The following TMEM44 variants were observed in gnomAD, a reference collection of about 807,000 sequenced individuals.
TMEM44 encodes transmembrane protein 44.
In TMEM44, 43 loss-of-function variants were observed where a neutral mutation model predicts 47.8. The observed-to-expected ratio is 0.90, with a 90% CI of 0.70 to 1.16. TMEM44 has a LOEUF of 1.16. Among genes scored for constraint, TMEM44 ranks in the 50% most tolerant of loss-of-function variants. TMEM44 has a pLI of 0.00. For missense variants in TMEM44, 568 were observed against 555.2 expected (o/e 1.02, Z -0.23); for synonymous variants, 277 against 238.8 (o/e 1.16, Z -1.48).
Position 194,588,609 on chromosome 3 carries a change from T to C in TMEM44, c.1207A>G (p.Ser403Gly). Residue 403 changes from serine to glycine, a missense_variant, in exon 10 of 10, where the codon AGC becomes GGC. Ser to Gly is a moderately conservative substitution (Grantham distance 56). Transcript: ENST00000347147. ...WDPEDVNLEGSKENVELLGSQ... is the reference protein window; with the variant it reads ...WDPEDVNLEGGKENVELLGSQ... ...CCCAGTAGCTCCACATTTTCTTTGC[T>C]GCCTTCGAGGTTCACATCTTCAGGG... The C allele has an allele frequency of 4.3e-6, 7 of 1,614,224 alleles. No homozygotes were observed. The highest frequency in any genetic ancestry group is 1.1e-5 in the South Asian group (1 of 91,084).
intron 8 of TMEM44, among the ~76,000 whole-genome samples, 164 bp downstream of exon 8, chr3:194,610,752 C>CA (rs1286734772): frequency 6.6e-6 from 1 of 152,206 alleles, no homozygotes; most frequent in Non-Finnish European, 1.5e-5. Context: ...AACACTCCCC[C>CA]ATATCTGCCC....
chr3:194,612,714 G>A (rs1363251480), intron 7 of TMEM44, among the ~76,000 whole-genome samples: 1 of 152,168 alleles, frequency 6.6e-6, no homozygotes, highest in African/African-American at 2.4e-5. Context: ...GCCCAGGCTG[G>A]AGTGCAGTGG....
intron 5 of TMEM44, chr3:194,617,779 G>A (rs1716096711): frequency 1.4e-6 from 1 of 702,836 alleles, no homozygotes; most frequent in African/African-American, 1.7e-5. Context: ...GGTGGGGCCT[G>A]GTGGGAGGTG....
chr3:194,616,093 C>T (rs1300175875), intron 6 of TMEM44, among the ~76,000 whole-genome samples: 4 of 151,990 alleles, frequency 2.6e-5, no homozygotes, highest in Non-Finnish European at 5.9e-5. Context: ...GCTCTGTCAC[C>T]CAGGCTGGAG....
intron 5 of TMEM44, 76 bp from the exon 6 acceptor site, chr3:194,617,345 G>T (rs1716026365): frequency 3.5e-6 from 5 of 1,431,196 alleles, no homozygotes; most frequent in Non-Finnish European, 4.6e-6. Flanking sequence ...GGCACAGCAG[G>T]TTGCGGGGCA....
intron 5 of TMEM44, chr3:194,622,917 A>G (rs1716719046): frequency 3.6e-6 from 1 of 277,414 alleles, no homozygotes; most frequent in Admixed American, 5.7e-5. Flanking sequence ...TCCTTCTCTT[A>G]TGGGTTCAGC....
At chr3:194,588,784 C>G (rs975410494) in intron 9 of TMEM44, 145 bp from the exon 10 acceptor site, 1 of 747,530 alleles carries the variant, frequency 1.3e-6, no homozygotes. Flanking sequence ...ACAAGTTACC[C>G]AGGCCTGTGT....
intron 8 of TMEM44, among the ~76,000 whole-genome samples, chr3:194,606,568 T>C (rs1714797561): frequency 6.6e-6 from 1 of 152,204 alleles, no homozygotes; most frequent in Admixed American, 6.5e-5. Flanking sequence ...TTTTTCTAAC[T>C]GTAGGATCTT....
rs1715657809 is a variant in TMEM44 at position 194,614,347 on chromosome 3, T to TA, written c.912+1221dup. On this transcript the variant is annotated intron_variant, in intron 7 of 9. Coordinates refer to ENST00000347147, the MANE Select transcript of TMEM44 (RefSeq NM_001011655.3). ...TAGGTGGTGGTAATGATGTGGATATTAAAGATGCATGTGAAAGTGGGAATA... is the reference window on the plus strand; with the variant it reads ...TAGGTGGTGGTAATGATGTGGATATTAAAAGATGCATGTGAAAGTGGGAATA... Among the ~76,000 whole-genome samples the TA allele has an allele frequency of 2.0e-5, 3 of 152,282 alleles. No homozygotes were observed. The South Asian group carries it at 6.2e-4, about 32-fold the overall frequency.
chr3:194,624,987 G>A lies in TMEM44; in HGVS notation c.358+910C>T, dbSNP rs1196105230. Among the ~76,000 whole-genome samples, 3 of 152,150 alleles carry A rather than the reference G, an allele frequency of 2.0e-5. No homozygotes were observed. The East Asian group carries it at 5.8e-4, about 29-fold the overall frequency. ...TTGCCTCAGCCTCCCAAAGTGCTGG[G>A]ATTACAGGTGTGGGCCACCATGCCC... On this transcript the variant is annotated intron_variant, in intron 3 of 9. Transcript: ENST00000347147.
At chr3:194,629,713 T>C (rs2108605188) in intron 1 of TMEM44, among the ~76,000 whole-genome samples, 1 of 141,012 alleles carries the variant, frequency 7.1e-6, no homozygotes, top group African/African-American at 2.7e-5. Flanking sequence ...TAATACGCTG[T>C]CGTACCTGCC....
At chr3:194,606,087 C>T (rs1277851327) in intron 8 of TMEM44, among the ~76,000 whole-genome samples, 1 of 152,174 alleles carries the variant, frequency 6.6e-6, no homozygotes, top group African/African-American at 2.4e-5. Flanking sequence ...CCAGGAACAA[C>T]AATGACAAAT....
chr3:194,616,379 G>A (rs1449658365), intron 6 of TMEM44: 4 of 337,428 alleles, frequency 1.2e-5, no homozygotes, highest in African/African-American at 2.2e-5. Flanking sequence ...CGGAAGTAGG[G>A]TCCTTGCTGA....
intron 9 of TMEM44, among the ~76,000 whole-genome samples, chr3:194,600,533 G>C (rs1329429939): frequency 6.6e-6 from 1 of 152,058 alleles, no homozygotes; most frequent in Non-Finnish European, 1.5e-5. Flanking sequence ...CAGGTCACGA[G>C]GTCAGGAGAT....
intron 9 of TMEM44, 37 bp downstream of exon 9, chr3:194,604,250 C>G: frequency 6.4e-7 from 1 of 1,562,546 alleles, no homozygotes; most frequent in Non-Finnish European, 8.7e-7. Context: ...CGAACGATGG[C>G]ACCCACGCAC....
At position 194,633,144 on chromosome 3, in the gene TMEM44, G is replaced by C. The variant is rs369359157; in HGVS notation, c.72C>G (p.His24Gln). ...WDYLDRCFAR[H>Q]RVCISFGLWI... Reference sequence around the variant, plus strand: ...ACAGGCCGAAGGAGATGCAGACGCGGTGGCGGGCGAAGCAGCGGTCCAGGT... The same window carrying C: ...ACAGGCCGAAGGAGATGCAGACGCGCTGGCGGGCGAAGCAGCGGTCCAGGT... Residue 24 changes from histidine to glutamine, a missense_variant, in exon 1 of 10, where the codon CAC (histidine) becomes CAG (glutamine). By Grantham distance (24) the His-to-Gln change is conservative. Coordinates refer to ENST00000347147, the MANE Select transcript of TMEM44 (RefSeq NM_001011655.3). 4 of 1,550,812 alleles carry C rather than the reference G, an allele frequency of 2.6e-6. No homozygotes were observed. The highest frequency in any genetic ancestry group is 3.5e-6 in the Non-Finnish European group (4 of 1,147,820).
At chr3:194,604,710 A>G (rs568175039) in intron 8 of TMEM44, among the ~76,000 whole-genome samples, 17 of 152,106 alleles carry the variant, frequency 1.1e-4, no homozygotes, top group Admixed American at 9.2e-4. Context: ...GATAGCACAC[A>G]CTCCATTCTC....
chr3:194,626,193 A>G (rs910416777), intron 2 of TMEM44, among the ~76,000 whole-genome samples: 2 of 152,126 alleles, frequency 1.3e-5, no homozygotes, highest in Admixed American at 6.6e-5. Context: ...TGTTTACATG[A>G]CTGAACCCAC....
intron 9 of TMEM44, among the ~76,000 whole-genome samples, chr3:194,590,700 C>G (rs901048743): frequency 6.6e-6 from 1 of 152,168 alleles, no homozygotes; most frequent in Non-Finnish European, 1.5e-5. Context: ...GATGCTGGGG[C>G]CCACCCTAGC....
Sources: allele counts gnomAD v4.1 joint callset (sites outside exome capture counted in the v4.1 genomes callset), GRCh38; gene constraint gnomAD v4.1.1; transcripts MANE v1.5; gene names NCBI Gene and HGNC (gene_info 2026-07-23, HGNC 2026-07-21).